ST18: variants seen among roughly 807,000 people sequenced by gnomAD.
ST18 encodes suppression of tumorigenicity 18 protein.
A neutral mutation model predicts 110.0 loss-of-function variants in ST18; 50 were observed. The observed-to-expected ratio is 0.45, with a 90% confidence interval of 0.36 to 0.58. The LOEUF (loss-of-function observed/expected upper bound fraction) is 0.58, where lower values mean the gene tolerates loss of function less well. Ranked by LOEUF, ST18 falls within the 20% of genes least tolerant of loss-of-function variation. The pLI, the probability that ST18 is intolerant of heterozygous loss-of-function variation, is 0.00. For synonymous variants in ST18, 461 were observed against 452.4 expected (o/e 1.02, Z -0.24); for missense variants, 1,306 against 1,280.1 (o/e 1.02, Z -0.31).
At chr8:52,119,217 C>T (rs898855013) in intron 23 of ST18, among the ~76,000 whole-genome samples, 2 of 152,110 alleles carry the variant, frequency 1.3e-5, no homozygotes, top group African/African-American at 4.8e-5. Flanking sequence ...AAATGTAGAG[C>T]GCTAAACATG....
chr8:52,133,080 T>C lies in ST18; in HGVS notation c.2421A>G (p.Glu807=). The C allele has an allele frequency of 1.2e-6, 2 of 1,614,184 alleles. No homozygotes were observed. The highest frequency in any genetic ancestry group is 1.3e-5 in the African/African-American group (1 of 75,040). ...ACTTCAGTTCAGGGTCTTCTTTTTC[T>C]TCCTTGGTAGGGGTCATTTTGACAC... ...KGGVKMTPTK[E]EKEDPELKCP... Residue 807 remains glutamate, a synonymous_variant, in exon 21 of 26, where the codon GAA becomes GAG. Coordinates refer to ENST00000689386, the MANE Select transcript of ST18 (RefSeq NM_001352837.2).
At position 52,180,174 on chromosome 8, in the gene ST18, A is replaced by G. The variant is rs989075599; in HGVS notation, c.225T>C (p.Ser75=). 4 of 1,614,092 alleles carry G rather than the reference A, an allele frequency of 2.5e-6. No homozygotes were observed. The highest frequency in any genetic ancestry group is 3.4e-6 in the Non-Finnish European group (4 of 1,180,010). Residue 75 remains serine, a synonymous_variant, in exon 9 of 26, where the codon AGT becomes AGC. Transcript: ENST00000689386. ...SPKADCQEDR[S]DRTEDDGPLE... ...AGGGGCCATCGTCCTCTGTCCTGTC[A>G]CTGCGGTCTTCTTGGCAGTCTGCTT...
chr8:52,235,412 C>T (rs2092472035), intron 2 of ST18, among the ~76,000 whole-genome samples: 1 of 152,124 alleles, frequency 6.6e-6, no homozygotes, highest in Non-Finnish European at 1.5e-5. Flanking sequence ...CAAGGGTGCT[C>T]TTCTCTCTGC....
chr8:52,165,340 GCT>G (rs552224212), intron 11 of ST18, 115 bp from the exon 12 acceptor site: 323 of 938,680 alleles, frequency 3.4e-4, no homozygotes, highest in Non-Finnish European at 4.8e-4. Flanking sequence ...CATCCACCAT[GCT>G]CTCTCTCTCT....
intron 2 of ST18, among the ~76,000 whole-genome samples, chr8:52,248,173 G>A (rs2094004782): frequency 6.6e-6 from 1 of 152,050 alleles, no homozygotes; most frequent in Non-Finnish European, 1.5e-5. Context: ...TATTTATTCA[G>A]TATCACAATA....
chr8:52,191,662 G>A (rs1563969919), intron 8 of ST18, among the ~76,000 whole-genome samples: 1 of 152,194 alleles, frequency 6.6e-6, no homozygotes, highest in South Asian at 2.1e-4. Flanking sequence ...TGGTCAGCAG[G>A]TCACAACTTA....
intron 2 of ST18, among the ~76,000 whole-genome samples, chr8:52,321,185 C>G (rs1216791774): frequency 2.0e-5 from 3 of 152,166 alleles, no homozygotes; most frequent in African/African-American, 7.2e-5. Flanking sequence ...GGAAGAGACA[C>G]TCCAATCTCA....
chr8:52,337,003 C>G (rs528071191), intron 2 of ST18, among the ~76,000 whole-genome samples: 2 of 152,292 alleles, frequency 1.3e-5, no homozygotes, highest in South Asian at 4.1e-4. Flanking sequence ...ATGATTTTGA[C>G]AAAAAGTAAT....
In ST18 at chr8:52,151,411, C is replaced by T. The variant is rs142788049; in HGVS notation, c.1807-1434G>A. Among the ~76,000 whole-genome samples the T allele has an allele frequency of 5.9e-5, 9 of 152,302 alleles. No individual in the cohort carries two copies. The East Asian group carries it at 1.7e-3, about 29-fold the overall frequency. Reference sequence around the variant, plus strand: ...TTGTACTAAGATGCTTTGGCCGTATCTTTCTGTCCCTTTTTAGTAAATAGT... The same window carrying T: ...TTGTACTAAGATGCTTTGGCCGTATTTTTCTGTCCCTTTTTAGTAAATAGT... On this transcript the variant is annotated intron_variant, in intron 15 of 25. Transcript: ENST00000689386.
chr8:52,383,380 T>C (rs181477750), intron 2 of ST18, among the ~76,000 whole-genome samples: 3 of 152,316 alleles, frequency 2.0e-5, no homozygotes, highest in Admixed American at 2.0e-4. Context: ...CATAAAATGA[T>C]CTGAAAAACC....
chr8:52,224,694 G>A (rs938959034), intron 3 of ST18, among the ~76,000 whole-genome samples: 3 of 152,152 alleles, frequency 2.0e-5, no homozygotes, highest in Admixed American at 6.6e-5. Flanking sequence ...ATTTTAAATC[G>A]TTGCATATTC....
At chr8:52,330,983 G>A (rs1809043897) in intron 2 of ST18, among the ~76,000 whole-genome samples, 1 of 152,156 alleles carries the variant, frequency 6.6e-6, no homozygotes, top group South Asian at 2.1e-4. Flanking sequence ...CAGGGGAAGG[G>A]GCAGGCAGAG....
chr8:52,167,604 G>A (rs534374473), intron 10 of ST18, among the ~76,000 whole-genome samples: 3 of 152,352 alleles, frequency 2.0e-5, no homozygotes, highest in East Asian at 3.9e-4. Context: ...TTGCCACTTG[G>A]GTTCAGCATG....
intron 2 of ST18, among the ~76,000 whole-genome samples, chr8:52,334,981 T>G (rs1590011093): frequency 6.6e-6 from 1 of 152,198 alleles, no homozygotes; most frequent in East Asian, 1.9e-4. Flanking sequence ...CACAATTTGT[T>G]GAAAAAATAA....
chr8:52,172,664 A>AACATATGCATTCACATACATAGGT (rs1230061960), intron 9 of ST18, 81 bp from the exon 10 acceptor site: 2 of 1,108,194 alleles, frequency 1.8e-6, no homozygotes, highest in Non-Finnish European at 2.5e-6. Context: ...TATGTATATA[A>AACATATGCATTCACATACATAGGT]ACATATGCAT....
chr8:52,230,327 C>A (rs188124188), intron 2 of ST18, among the ~76,000 whole-genome samples: 13 of 151,924 alleles, frequency 8.6e-5, no homozygotes, highest in African/African-American at 1.2e-4. Context: ...AGATTCGAAC[C>A]CTTTTGTTTA....
intron 8 of ST18, among the ~76,000 whole-genome samples, chr8:52,186,033 C>G (rs975978003): frequency 2.6e-5 from 4 of 152,202 alleles, no homozygotes; most frequent in African/African-American, 9.6e-5. Flanking sequence ...TTTACACAAG[C>G]ACTGTGAGGT....
intron 2 of ST18, among the ~76,000 whole-genome samples, chr8:52,240,483 A>G (rs1187622852): frequency 6.6e-6 from 1 of 152,146 alleles, no homozygotes; most frequent in African/African-American, 2.4e-5. Context: ...TTCTGGTTTA[A>G]CAGGAAGAAA....
intron 8 of ST18, among the ~76,000 whole-genome samples, chr8:52,187,644 T>C (rs1301720334): frequency 6.6e-6 from 1 of 152,116 alleles, no homozygotes; most frequent in Non-Finnish European, 1.5e-5. Context: ...ATGGGGAAAA[T>C]TTTCCTTGAC....
Sources: allele counts gnomAD v4.1 joint callset (sites outside exome capture counted in the v4.1 genomes callset), GRCh38; gene constraint gnomAD v4.1.1; transcripts MANE v1.5; gene names NCBI Gene and HGNC (gene_info 2026-07-23, HGNC 2026-07-21).